MECOM: variants seen among roughly 807,000 people sequenced by gnomAD.
The protein encoded by MECOM is histone-lysine N-methyltransferase MECOM.
In MECOM, 13 loss-of-function variants were observed where a neutral mutation model predicts 116.3. That is an observed-to-expected ratio of 0.11 (90% CI 0.07 to 0.18). The LOEUF is 0.18. Among genes scored for constraint, MECOM ranks in the 10% least tolerant of loss-of-function variants. The probability of loss-of-function intolerance (pLI) is 1.00; values close to 1 mark genes in which losing one functional copy is unlikely to be tolerated. For synonymous variants in MECOM, 528 were observed against 535.2 expected (o/e 0.99, Z 0.19); for missense variants, 1,299 against 1,509.0 (o/e 0.86, Z 2.31).
chr3:169,186,306 T>C (rs1746700210), intron 2 of MECOM, among the ~76,000 whole-genome samples: 1 of 132,482 alleles, frequency 7.5e-6, no homozygotes, highest in South Asian at 2.6e-4. Flanking sequence ...TAGGGAAAGA[T>C]GGAAAGGAAG....
At chr3:169,594,154 C>CAAAAAAAAAAA (rs34331048) in intron 1 of MECOM, among the ~76,000 whole-genome samples, 4 of 45,700 alleles carry the variant, frequency 8.8e-5, no homozygotes, top group African/African-American at 1.2e-4. Context: ...ACCACCACCA[C>CAAAAAAAAAAA]AAAAAAAAAA....
At chr3:169,229,746 A>G (rs1753154997) in intron 2 of MECOM, among the ~76,000 whole-genome samples, 1 of 152,160 alleles carries the variant, frequency 6.6e-6, no homozygotes, top group Non-Finnish European at 1.5e-5. Flanking sequence ...TCTGCACTTC[A>G]GAAGCCTCTA....
At chr3:169,395,725 G>A (rs927413453) in intron 1 of MECOM, among the ~76,000 whole-genome samples, 1 of 152,118 alleles carries the variant, frequency 6.6e-6, no homozygotes, top group African/African-American at 2.4e-5. Context: ...TCAGGAAGAA[G>A]AACAGTAAAC....
chr3:169,441,802 T>C (rs1179049278), intron 1 of MECOM, among the ~76,000 whole-genome samples: 37 of 149,768 alleles, frequency 2.5e-4, no homozygotes, highest in Non-Finnish European at 1.5e-5. Context: ...GCAATCTCAG[T>C]GCACTGCAAC....
intron 1 of MECOM, among the ~76,000 whole-genome samples, chr3:169,436,115 T>C (rs1411885494): frequency 2.0e-5 from 3 of 152,168 alleles, no homozygotes; most frequent in East Asian, 3.9e-4. Flanking sequence ...GGTAAGAAGA[T>C]CCATATCCCC....
chr3:169,427,204 A>T (rs62294337), intron 1 of MECOM, among the ~76,000 whole-genome samples: 27,105 of 151,150 alleles, frequency 0.18, 3,222 homozygotes, highest in Non-Finnish European at 0.25. Context: ...AGTAAAAATT[A>T]TGATGTTTAA....
intron 1 of MECOM, among the ~76,000 whole-genome samples, chr3:169,421,739 C>A (rs1289042997): frequency 1.3e-5 from 2 of 151,618 alleles, no homozygotes; most frequent in Admixed American, 6.6e-5. Context: ...CAATTCTTTT[C>A]TGCATTACGA....
intron 1 of MECOM, among the ~76,000 whole-genome samples, chr3:169,542,338 G>A (rs201783076): frequency 3.8e-5 from 5 of 133,226 alleles, no homozygotes; most frequent in Admixed American, 1.6e-4. Flanking sequence ...AAAAAAAAAA[G>A]AACAGACTTA....
chr3:169,462,780 T>C (rs1035082811), intron 1 of MECOM, among the ~76,000 whole-genome samples: 8 of 152,188 alleles, frequency 5.3e-5, no homozygotes, highest in African/African-American at 1.7e-4. Context: ...TAAATGTATA[T>C]GCCAAAGGCA....
rs186849804 is a variant in MECOM, at chr3:169,359,731, A to G, written c.375+21456T>C. Among the ~76,000 whole-genome samples the G allele has an allele frequency of 3.8e-3, 582 of 151,918 alleles. 3 individuals are homozygous for G. Among genetic ancestry groups the G allele is most frequent in the African/African-American group, 0.014 (561 of 41,524 alleles). The stretch of plus-strand genomic sequence containing the variant: ...ATTCTCTTGTTAAAATGATATTCAC[A>G]TCTGGTGTTCTCAAGATTGATGCCT... On this transcript the variant is annotated intron_variant, in intron 2 of 16. Transcript: ENST00000651503.
intron 2 of MECOM, among the ~76,000 whole-genome samples, chr3:169,364,831 AC>A (rs1254026707): frequency 1.5e-4 from 23 of 152,094 alleles, no homozygotes; most frequent in Non-Finnish European, 5.9e-5. Context: ...TTTAATTTTT[AC>A]AGGCCATGGC....
chr3:169,428,071 T>C (rs776708443), intron 1 of MECOM, among the ~76,000 whole-genome samples: 33 of 152,096 alleles, frequency 2.2e-4, no homozygotes, highest in Admixed American at 3.9e-4. Flanking sequence ...TCCCAGCTAC[T>C]TGGGAGGCTG....
chr3:169,487,026 TATCTC>T (rs1266474904), intron 1 of MECOM, among the ~76,000 whole-genome samples: 1 of 152,138 alleles, frequency 6.6e-6, no homozygotes, highest in Non-Finnish European at 1.5e-5. Flanking sequence ...AGAGAAATGA[TATCTC>T]ATGTCTTTCT....
At chr3:169,491,135 G>A (rs1305071655) in intron 1 of MECOM, among the ~76,000 whole-genome samples, 2 of 152,094 alleles carry the variant, frequency 1.3e-5, no homozygotes, top group Non-Finnish European at 2.9e-5. Flanking sequence ...GGGATTTCAG[G>A]TATGAGTCAA....
At chr3:169,262,117 T>G (rs1339582190) in intron 2 of MECOM, among the ~76,000 whole-genome samples, 2 of 152,232 alleles carry the variant, frequency 1.3e-5, no homozygotes, top group African/African-American at 4.8e-5. Context: ...CTGCTCTCAA[T>G]GAGCTTACAT....
At chr3:169,467,083 C>T (rs112358422) in intron 1 of MECOM, 48 of 152,250 alleles carry the variant, frequency 3.2e-4, no homozygotes, top group African/African-American at 1.0e-3. Context: ...TTCAAGATAT[C>T]GTGAAAACAA....
chr3:169,662,214 A>T (rs79415176), intron 1 of MECOM, among the ~76,000 whole-genome samples: 47 of 152,258 alleles, frequency 3.1e-4, no homozygotes, highest in Middle Eastern at 3.4e-3. Context: ...ATCCCGCCAG[A>T]CCAAGGCCGC....
chr3:169,659,440 A>ATTTTTTT lies in MECOM; in HGVS notation c.37+3889_37+3895dup, dbSNP rs56270349. 8.2e-3 allele frequency among the ~76,000 whole-genome samples: 510 copies of ATTTTTTT among 62,136 alleles called. 107 individuals are homozygous for ATTTTTTT. The highest frequency in any genetic ancestry group is 0.017 in the African/African-American group (274 of 16,252). The allele number at this position is 62,136 out of a possible 152,430, so 40.8% of individuals were successfully genotyped here. A position where few individuals can be genotyped will look rare whatever the true frequency, so the allele number is the denominator to read the frequency against. ...GTAATTAACCTTCCCCTAAACACAG[A>ATTTTTTT]TTTTTTTTTTTTTTTTTTTTTTTTT... On this transcript the variant is annotated intron_variant, in intron 1 of 16. Transcript: ENST00000651503.
At chr3:169,351,813 C>T (rs1239766337) in intron 2 of MECOM, among the ~76,000 whole-genome samples, 2 of 151,844 alleles carry the variant, frequency 1.3e-5, no homozygotes, top group African/African-American at 4.8e-5. Flanking sequence ...CTACCACCCC[C>T]ATCTTCATTT....
Sources: allele counts gnomAD v4.1 joint callset (sites outside exome capture counted in the v4.1 genomes callset), GRCh38; gene constraint gnomAD v4.1.1; transcripts MANE v1.5; gene names NCBI Gene and HGNC (gene_info 2026-07-23, HGNC 2026-07-21).